PSD3: variants seen among roughly 807,000 people sequenced by gnomAD.
PSD3 encodes pleckstrin and Sec7 domain containing 3.
A neutral mutation model predicts 105.5 loss-of-function variants in PSD3; 49 were observed. The ratio of observed to expected loss-of-function variants is 0.46; its 90% CI spans 0.37 to 0.59. The LOEUF is 0.59. Among genes scored for constraint, PSD3 ranks in the 20% least tolerant of loss-of-function variants. The pLI is 0.00. For synonymous variants in PSD3, 557 were observed against 457.8 expected (o/e 1.22, Z -2.77); for missense variants, 1,561 against 1,263.8 (o/e 1.24, Z -3.57).
At chr8:18,823,997 C>T (rs1209158295) in intron 4 of PSD3, among the ~76,000 whole-genome samples, 1 of 151,928 alleles carries the variant, frequency 6.6e-6, no homozygotes, top group South Asian at 2.1e-4. Context: ...CTGGACAACA[C>T]CGTGAGACCT....
At chr8:18,866,131 T>G (rs916208588) in intron 4 of PSD3, among the ~76,000 whole-genome samples, 1 of 152,008 alleles carries the variant, frequency 6.6e-6, no homozygotes, top group African/African-American at 2.4e-5. Context: ...GAAAACTGAG[T>G]GGGAATTTCA....
Position 18,872,331 on chromosome 8 carries a change from C to G in PSD3, c.533G>C (p.Arg178Pro), listed in dbSNP as rs766554452. ...CGTTTTGTTGACTCTCTGTGTTTTA[C>G]GACTGGCAGTGTCCAGCTCTTTTTC... is the stretch of plus-strand genomic sequence containing the variant. ...QVEKELDTAS[R>P]KTQRVNKTLP... The change falls in exon 3 of 16, where the codon CGT (arginine) becomes CCT (proline). Residue 178 changes from arginine to proline, a missense_variant. Transcript: ENST00000327040. The G allele has an allele frequency of 1.9e-6, 3 of 1,614,098 alleles. No individual in the cohort carries two copies. Among genetic ancestry groups the G allele is most frequent in the Non-Finnish European group, 2.5e-6 (3 of 1,179,998 alleles).
chr8:18,723,714 A>C (rs924750174), intron 9 of PSD3, among the ~76,000 whole-genome samples: 1 of 152,248 alleles, frequency 6.6e-6, no homozygotes, highest in African/African-American at 2.4e-5. Context: ...GTATAAACAT[A>C]GCAAAGTACG....
intron 4 of PSD3, among the ~76,000 whole-genome samples, chr8:18,837,212 T>C (rs973034615): frequency 1.3e-5 from 2 of 152,186 alleles, no homozygotes; most frequent in South Asian, 2.1e-4. Flanking sequence ...CAGTATAAGA[T>C]AGACAGCGAA....
intron 9 of PSD3, among the ~76,000 whole-genome samples, chr8:18,757,514 CTCTT>C (rs1202569782): frequency 6.6e-6 from 1 of 152,144 alleles, no homozygotes; most frequent in Non-Finnish European, 1.5e-5. Context: ...TCAGATTCTA[CTCTT>C]TGTTTCTTTT....
chr8:19,046,910 A>C (rs1269848501), intron 1 of PSD3, among the ~76,000 whole-genome samples: 1 of 152,244 alleles, frequency 6.6e-6, no homozygotes, highest in African/African-American at 2.4e-5. Context: ...TCAAGTTTGC[A>C]TCTCAGGTGA....
At chr8:18,936,634 T>G (rs551588189) in intron 1 of PSD3, among the ~76,000 whole-genome samples, 85 of 152,078 alleles carry the variant, frequency 5.6e-4, no homozygotes, top group African/African-American at 2.0e-3. Flanking sequence ...TGGTGGTTCC[T>G]GTAATCTCAG....
chr8:18,815,735 A>G (rs1812165672), intron 4 of PSD3, among the ~76,000 whole-genome samples: 1 of 151,194 alleles, frequency 6.6e-6, no homozygotes, highest in African/African-American at 2.4e-5. Context: ...TGACACACCC[A>G]CTGACGACAT....
intron 2 of PSD3, among the ~76,000 whole-genome samples, chr8:18,888,554 G>C (rs1038766552): frequency 6.6e-6 from 1 of 151,694 alleles, no homozygotes; most frequent in Non-Finnish European, 1.5e-5. Context: ...AATACATAAA[G>C]CACTCAGAGT....
At chr8:18,689,686 C>T (rs1393946513) in intron 9 of PSD3, among the ~76,000 whole-genome samples, 2 of 152,176 alleles carry the variant, frequency 1.3e-5, no homozygotes, top group African/African-American at 4.8e-5. Context: ...AGTAAAGTGA[C>T]AGAGGCTGAT....
chr8:18,605,007 C>T (rs964499829), intron 11 of PSD3, among the ~76,000 whole-genome samples: 2 of 152,224 alleles, frequency 1.3e-5, no homozygotes, highest in Non-Finnish European at 2.9e-5. Flanking sequence ...TGGAGAATTC[C>T]CTACTAGGGC....
chr8:18,910,765 G>GA (rs1385730896), intron 2 of PSD3, among the ~76,000 whole-genome samples: 17 of 151,732 alleles, frequency 1.1e-4, no homozygotes, highest in African/African-American at 4.8e-5. Context: ...AGCTAGATGG[G>GA]AAAAATCATA....
chr8:18,761,781 T>A (rs141924066), intron 9 of PSD3, among the ~76,000 whole-genome samples: 220 of 152,290 alleles, frequency 1.4e-3, no homozygotes, highest in African/African-American at 5.1e-3. Flanking sequence ...CAAGGATGCT[T>A]GAATACAAAC....
intron 1 of PSD3, among the ~76,000 whole-genome samples, chr8:18,941,650 A>G (rs1325522925): frequency 1.3e-5 from 2 of 148,536 alleles, no homozygotes; most frequent in South Asian, 2.1e-4. Flanking sequence ...GATAAGCACT[A>G]CTGATGTAGA....
chr8:19,043,537 G>T (rs1049601318), intron 1 of PSD3, among the ~76,000 whole-genome samples: 4 of 152,160 alleles, frequency 2.6e-5, no homozygotes, highest in African/African-American at 9.7e-5. Context: ...ACCACATATT[G>T]TATGAAATCT....
chr8:18,625,482 G>T (rs1401515191), intron 11 of PSD3, among the ~76,000 whole-genome samples: 1 of 152,060 alleles, frequency 6.6e-6, no homozygotes, highest in Non-Finnish European at 1.5e-5. Flanking sequence ...CCTACATCCA[G>T]GCAATTCAGT....
chr8:18,765,584 A>T, intron 8 of PSD3, 46 bp from the exon 9 acceptor site: 3 of 1,388,162 alleles, frequency 2.2e-6, no homozygotes, highest in Non-Finnish European at 3.1e-6. Context: ...TCATGGAATT[A>T]AGACTGATTC....
intron 9 of PSD3, among the ~76,000 whole-genome samples, chr8:18,694,760 G>A (rs1801168782): frequency 6.6e-6 from 1 of 151,984 alleles, no homozygotes. Context: ...CGGATCACTT[G>A]AGCACTTGAG....
intron 12 of PSD3, among the ~76,000 whole-genome samples, chr8:18,590,153 A>C (rs1423217190): frequency 2.0e-5 from 3 of 152,250 alleles, no homozygotes; most frequent in Non-Finnish European, 4.4e-5. Context: ...TTAAAAAAGA[A>C]TAATTCTTTC....
Sources: gnomAD v4.1 joint callset for allele counts (sites outside exome capture counted in the v4.1 genomes callset) on GRCh38, gnomAD v4.1.1 for gene constraint, MANE v1.5 for transcripts, NCBI Gene and HGNC (gene_info 2026-07-23, HGNC 2026-07-21) for gene names.